The following KIF15 variants were observed in gnomAD, a reference collection of about 807,000 sequenced individuals.
The protein encoded by KIF15 is kinesin family member 15.
In KIF15, 140 loss-of-function variants were observed where a neutral mutation model predicts 190.6. The ratio of observed to expected loss-of-function variants is 0.73; its 90% confidence interval spans 0.64 to 0.84. KIF15 has a LOEUF of 0.84. KIF15 is among the 40% of genes least tolerant of loss of function. KIF15 has a pLI of 0.00. For missense variants in KIF15, 1,372 were observed against 1,584.4 expected (o/e 0.87, Z 2.28); for synonymous variants, 528 against 551.3 (o/e 0.96, Z 0.59).
intron 22 of KIF15, chr3:44,827,034 G>A (rs1457318945): frequency 2.2e-6 from 1 of 456,238 alleles, no homozygotes; most frequent in Non-Finnish European, 4.4e-6. Flanking sequence ...CTTACATCCA[G>A]TTGAGAGACA....
intron 20 of KIF15, among the ~76,000 whole-genome samples, chr3:44,819,416 A>T (rs1392567060): frequency 6.6e-6 from 1 of 152,148 alleles, no homozygotes; most frequent in Non-Finnish European, 1.5e-5. Context: ...ACTGCTTTGA[A>T]TGTGTCCCAG....
In KIF15 at chr3:44,784,881, G is replaced by T; in HGVS notation, c.398G>T (p.Arg133Ile). ...SESDNFSHNL[R>I]GVIPRSFEYL... ...TCTGATAATTTTTCTCATAACCTGA[G>T]AGGAGTAATCCCACGAAGTTTTGAA... Residue 133 changes from arginine (R) to isoleucine (I), a missense_variant, in exon 6 of 35, where the codon AGA becomes ATA. Arg to Ile is a moderately conservative substitution (Grantham distance 97). Transcript: ENST00000326047. 6.3e-7 allele frequency: 1 copy of T among 1,579,084 alleles called. No individual in the cohort carries two copies. Among genetic ancestry groups the T allele is most frequent in the Non-Finnish European group, 8.6e-7 (1 of 1,158,910 alleles).
chr3:44,777,120 A>G (rs1705927655), intron 3 of KIF15, among the ~76,000 whole-genome samples: 1 of 149,390 alleles, frequency 6.7e-6, no homozygotes, highest in African/African-American at 2.5e-5. Flanking sequence ...ATGCTTGGCT[A>G]ATTTTTTTTT....
intron 26 of KIF15, among the ~76,000 whole-genome samples, chr3:44,837,100 A>C (rs991340171): frequency 1.3e-5 from 2 of 152,202 alleles, no homozygotes; most frequent in Non-Finnish European, 2.9e-5. Flanking sequence ...TGGGAGGGCC[A>C]ATTTCTATGT....
At chr3:44,836,990 G>A (rs534166648) in intron 26 of KIF15, among the ~76,000 whole-genome samples, 2 of 152,280 alleles carry the variant, frequency 1.3e-5, no homozygotes, top group African/African-American at 4.8e-5. Context: ...CCATGATCTG[G>A]TAAGTTTCAG....
In KIF15 at chr3:44,810,947, T is replaced by C. The variant is rs747689878; in HGVS notation, c.2073T>C (p.Ser691=). 6 of 1,613,358 alleles carry C rather than the reference T, an allele frequency of 3.7e-6. No individual in the cohort carries two copies. Among genetic ancestry groups the C allele is most frequent in the Middle Eastern group, 1.7e-4 (1 of 6,060 alleles). The stretch of plus-strand genomic sequence containing the variant: ...TTGGCTCTCTATACACTCAGAATTC[T>C]AGCATATTAGATAATGATATATTAA... ...GSFGSLYTQN[S]SILDNDILNE... The change falls in exon 17 of 35, where the codon TCT becomes TCC. Residue 691 remains serine (S), a synonymous_variant. Transcript: ENST00000326047.
intron 17 of KIF15, 87 bp downstream of exon 17, chr3:44,811,130 T>C: frequency 1.0e-6 from 1 of 964,192 alleles, no homozygotes; most frequent in South Asian, 1.7e-5. Flanking sequence ...TAAGTTACAG[T>C]GTTCAAAAGT....
chr3:44,848,978 T>C (rs1016876523), intron 32 of KIF15, among the ~76,000 whole-genome samples: 2 of 152,224 alleles, frequency 1.3e-5, no homozygotes, highest in African/African-American at 4.8e-5. Context: ...ATGAGTTTAA[T>C]TTATTCATAA....
chr3:44,823,641 G>T (rs1386335205), intron 20 of KIF15, among the ~76,000 whole-genome samples: 1 of 152,174 alleles, frequency 6.6e-6, no homozygotes, highest in Non-Finnish European at 1.5e-5. Flanking sequence ...GAGGCAGCCG[G>T]CCTTGCTGAG....
At chr3:44,777,046 G>A (rs879276917) in intron 3 of KIF15, among the ~76,000 whole-genome samples, 2 of 135,814 alleles carry the variant, frequency 1.5e-5, no homozygotes, top group Admixed American at 8.5e-5. Flanking sequence ...TGCCAAGGCT[G>A]GAGTGCACAA....
chr3:44,807,530 T>A (rs1208821307), intron 16 of KIF15, among the ~76,000 whole-genome samples: 1 of 152,192 alleles, frequency 6.6e-6, no homozygotes, highest in African/African-American at 2.4e-5. Flanking sequence ...AGCCTGTGAC[T>A]GAAATTTTCA....
rs572012705 is a variant in KIF15, at chr3:44,818,837, C to A, written c.2549+3761C>A. 3.3e-5 allele frequency among the ~76,000 whole-genome samples: 5 copies of A among 152,256 alleles called. No homozygotes were observed. In the East Asian group the frequency reaches 7.7e-4, roughly 24 times the overall value. ...GGGATGGTACCAGCTCCTCTTTGTA[C>A]CTCTGATAGAATTTGGCTGTGAATC... On this transcript the variant is annotated intron_variant, in intron 20 of 34. Coordinates refer to ENST00000326047, the MANE Select transcript of KIF15 (RefSeq NM_020242.3).
In KIF15 at chr3:44,863,897, G is replaced by A. The variant is rs546076166; in HGVS notation, c.*60-9432G>A. The A allele has an allele frequency of 1.3e-5, 5 of 388,124 alleles. No homozygotes were observed. The East Asian group carries it at 2.3e-4, about 18-fold the overall frequency. The allele number at this position is 388,124 out of a possible 1,614,324, so 24.0% of individuals were successfully genotyped here. A position where few individuals can be genotyped will look rare whatever the true frequency, so the allele number is the denominator to read the frequency against. ...CTGGTCATTGTGGGACCAATAAGGGGCCGGTGTTCAGTAGAAAATACTGGC... is the reference window on the plus strand; with the variant it reads ...CTGGTCATTGTGGGACCAATAAGGGACCGGTGTTCAGTAGAAAATACTGGC... On this transcript the variant is annotated intron_variant and NMD_transcript_variant, in intron 6 of 6. Coordinates refer to the KIF15 transcript ENST00000422209.
At chr3:44,779,070 A>G (rs1357211700) in intron 4 of KIF15, among the ~76,000 whole-genome samples, 1 of 151,318 alleles carries the variant, frequency 6.6e-6, no homozygotes, top group African/African-American at 2.4e-5. Flanking sequence ...ATGGATATGC[A>G]TTTATTTTAT....
chr3:44,786,569 T>C lies in KIF15; in HGVS notation c.634T>C (p.Tyr212His). ...EQVVTSAAEA[Y>H]QVLSGGWRNR... ...GGTGGTAACCTCAGCTGCTGAAGCC[T>C]ATCAGGTACCCTGCCATGAGTACTT... The change falls in exon 7 of 35, where the codon TAT becomes CAT. Residue 212 changes from tyrosine (Y) to histidine (H), a missense_variant. Transcript: ENST00000326047. 1 of 1,608,436 alleles carries C rather than the reference T, an allele frequency of 6.2e-7. No individual in the cohort carries two copies. The highest frequency in any genetic ancestry group is 1.3e-5 in the African/African-American group (1 of 74,962).
chr3:44,852,459 A>AT, intron 34 of KIF15, 120 bp downstream of exon 34: 3 of 1,032,024 alleles, frequency 2.9e-6, no homozygotes, highest in Non-Finnish European at 4.1e-6. Context: ...AGCTTCCTGA[A>AT]TTAAAAAAAA....
In KIF15 at chr3:44,761,821, G is replaced by A; in HGVS notation, c.-45G>A. The A allele has an allele frequency of 6.2e-7, 1 of 1,613,984 alleles. No individual in the cohort carries two copies. Among genetic ancestry groups the A allele is most frequent in the Non-Finnish European group, 8.5e-7 (1 of 1,179,864 alleles). On this transcript the variant is annotated 5_prime_UTR_variant, in exon 1 of 35. Transcript: ENST00000326047. ...TCGCGCGCGGTGCAGTCGGGAGGTG[G>A]AGGCACCGGCTGCATTGTTTTCGGG...
At chr3:44,822,245 A>C (rs1013691743) in intron 20 of KIF15, among the ~76,000 whole-genome samples, 2 of 152,178 alleles carry the variant, frequency 1.3e-5, no homozygotes, top group African/African-American at 4.8e-5. Context: ...AAAGGATTTT[A>C]TTTCTCCTTC....
chr3:44,816,183 A>T (rs1708023139), intron 20 of KIF15, among the ~76,000 whole-genome samples: 1 of 152,184 alleles, frequency 6.6e-6, no homozygotes, highest in Admixed American at 6.6e-5. Context: ...TGAATGTTGA[A>T]TAGCTTGAGT....
Sources: allele counts gnomAD v4.1 joint callset (sites outside exome capture counted in the v4.1 genomes callset), GRCh38; gene constraint gnomAD v4.1.1; transcripts MANE v1.5; gene names NCBI Gene and HGNC (gene_info 2026-07-23, HGNC 2026-07-21).